GPR158: variants seen among roughly 807,000 people sequenced by gnomAD.
GPR158 encodes metabotropic glycine receptor.
In GPR158, 30 loss-of-function variants were observed where a neutral mutation model predicts 78.2. That is an observed-to-expected ratio of 0.38 (90% CI 0.29 to 0.52). The LOEUF (loss-of-function observed/expected upper bound fraction) is 0.52, where lower values mean the gene tolerates loss of function less well. Ranked by LOEUF, GPR158 falls within the 20% of genes least tolerant of loss-of-function variation. GPR158 has a pLI of 0.83. For synonymous variants in GPR158, 581 were observed against 591.1 expected (o/e 0.98, Z 0.25); for missense variants, 1,463 against 1,523.5 (o/e 0.96, Z 0.66).
At chr10:25,220,664 A>T (rs1009429638) in intron 1 of GPR158, among the ~76,000 whole-genome samples, 1 of 152,198 alleles carries the variant, frequency 6.6e-6, no homozygotes, top group Non-Finnish European at 1.5e-5. Flanking sequence ...AGTAGAAAGA[A>T]ATGAACTGAA....
chr10:25,368,439 CTT>C (rs761180591), intron 2 of GPR158, among the ~76,000 whole-genome samples: 9 of 151,814 alleles, frequency 5.9e-5, no homozygotes, highest in Non-Finnish European at 1.5e-5. Context: ...TGAATAAACA[CTT>C]TTCAAAAGAA....
intron 2 of GPR158, among the ~76,000 whole-genome samples, chr10:25,391,666 G>A (rs1040101943): frequency 6.6e-6 from 1 of 152,186 alleles, no homozygotes; most frequent in East Asian, 1.9e-4. Context: ...AGGTTCATAG[G>A]TGGAGGGGGC....
At position 25,176,342 on chromosome 10, in the gene GPR158, A is replaced by AG. The variant is rs529116672; in HGVS notation, c.902+26dup. On this transcript the variant is annotated intron_variant, in intron 1 of 10. Transcript: ENST00000376351. The surrounding 1 kb of genome is among the most constrained non-coding windows in gnomAD (Gnocchi z 6.3). ...ATTCAGGTAGGGAGGGCCGGGGGGC[A>AG]GGGGGGAAGGCAAAAGCGAAGCTTT... 8.5e-6 allele frequency: 13 copies of AG among 1,533,172 alleles called. No individual in the cohort carries two copies. The highest frequency in any genetic ancestry group is 2.8e-5 in the African/African-American group (2 of 72,712). The allele number at this position is 1,533,172 out of a possible 1,614,324, so 95.0% of individuals were successfully genotyped here. A position where few individuals can be genotyped will look rare whatever the true frequency, so the allele number is the denominator to read the frequency against.
intron 2 of GPR158, among the ~76,000 whole-genome samples, chr10:25,359,977 C>T (rs538504870): frequency 8.5e-5 from 13 of 152,276 alleles, no homozygotes; most frequent in Admixed American, 8.5e-4. Flanking sequence ...GATGGTATCT[C>T]ATGGTGGTTT....
chr10:25,391,913 G>C (rs1031557550), intron 2 of GPR158, among the ~76,000 whole-genome samples: 1 of 152,112 alleles, frequency 6.6e-6, no homozygotes, highest in Non-Finnish European at 1.5e-5. Context: ...GGAAGTAATT[G>C]AATCATGGGG....
At chr10:25,580,562 TG>T (rs1837175179) in intron 7 of GPR158, among the ~76,000 whole-genome samples, 1 of 146,436 alleles carries the variant, frequency 6.8e-6, no homozygotes, top group African/African-American at 2.7e-5. Context: ...AGGTGAAATG[TG>T]ATATAAGTGC....
chr10:25,298,042 G>A (rs1372048789), intron 2 of GPR158, among the ~76,000 whole-genome samples: 4 of 152,134 alleles, frequency 2.6e-5, no homozygotes, highest in Non-Finnish European at 5.9e-5. Flanking sequence ...ATATTGTGGG[G>A]ATTGTGTTTC....
intron 4 of GPR158, chr10:25,466,116 C>T (rs922750087): frequency 6.6e-6 from 1 of 152,448 alleles, no homozygotes; most frequent in Non-Finnish European, 1.5e-5. Flanking sequence ...GGGATATAAG[C>T]ATAAGACACC....
intron 2 of GPR158, among the ~76,000 whole-genome samples, chr10:25,247,676 T>C (rs1254631534): frequency 6.6e-6 from 1 of 150,894 alleles, no homozygotes; most frequent in Non-Finnish European, 1.5e-5. Context: ...TAGTATTCCA[T>C]GGTGTATATG....
chr10:25,501,225 G>A (rs912750379), intron 5 of GPR158, among the ~76,000 whole-genome samples: 6 of 152,116 alleles, frequency 3.9e-5, no homozygotes, highest in African/African-American at 9.7e-5. Flanking sequence ...ACCAGACAGC[G>A]TGGGGACCCC....
Position 25,598,910 on chromosome 10 carries a change from T to G in GPR158, c.3284T>G (p.Leu1095Arg). The change falls in exon 11 of 11, where the codon CTC becomes CGC. Residue 1095 changes from leucine (L) to arginine (R), a missense_variant. Physicochemically the swap from Leu to Arg is moderately radical, Grantham distance 102. Coordinates refer to ENST00000376351, the MANE Select transcript of GPR158 (RefSeq NM_020752.3). ...CTTTTGATTTCCAAGACTCCAGTTCTCCCAGAGAGGGCAAAAGAGGAGAAC... is the reference window on the plus strand; with the variant it reads ...CTTTTGATTTCCAAGACTCCAGTTCGCCCAGAGAGGGCAAAAGAGGAGAAC... Reference protein sequence around the residue: ...EKLLISKTPVLPERAKEENGG... With the variant: ...EKLLISKTPVRPERAKEENGG... The G allele has an allele frequency of 6.2e-7, 1 of 1,613,932 alleles. No individual in the cohort carries two copies. Among genetic ancestry groups the G allele is most frequent in the African/African-American group, 1.3e-5 (1 of 74,966 alleles).
chr10:25,365,999 T>C (rs879860091), intron 2 of GPR158, among the ~76,000 whole-genome samples: 6 of 151,772 alleles, frequency 4.0e-5, no homozygotes, highest in African/African-American at 1.2e-4. Context: ...ATATGACTTA[T>C]TTTGTTCAAC....
chr10:25,493,616 C>T (rs1835840423), intron 5 of GPR158, among the ~76,000 whole-genome samples: 1 of 152,144 alleles, frequency 6.6e-6, no homozygotes, highest in African/African-American at 2.4e-5. Flanking sequence ...TAAAATATGT[C>T]TAAATTATGT....
chr10:25,444,313 ATG>A (rs1455710671), intron 4 of GPR158, among the ~76,000 whole-genome samples: 1 of 150,366 alleles, frequency 6.7e-6, no homozygotes, highest in Non-Finnish European at 1.5e-5. Flanking sequence ...GCATGACTGT[ATG>A]TGTGGGTGTG....
intron 2 of GPR158, among the ~76,000 whole-genome samples, chr10:25,333,334 G>T (rs1175215541): frequency 6.6e-6 from 1 of 152,122 alleles, no homozygotes; most frequent in East Asian, 1.9e-4. Flanking sequence ...ACGATAGTTT[G>T]AATGCCCACA....
At chr10:25,268,320 C>T (rs952634508) in intron 2 of GPR158, among the ~76,000 whole-genome samples, 1 of 152,092 alleles carries the variant, frequency 6.6e-6, no homozygotes, top group Non-Finnish European at 1.5e-5. Context: ...TAGGATCTAT[C>T]TGTGAGCGTG....
intron 7 of GPR158, among the ~76,000 whole-genome samples, chr10:25,586,391 ATTTTTTTTTTT>A (rs71399977): frequency 1.4e-5 from 1 of 70,868 alleles, no homozygotes; most frequent in Non-Finnish European, 3.0e-5. Context: ...GTATGTGTGA[ATTTTTTTTTTT>A]TTTTTTTTTT....
rs531605151 is a variant in GPR158, at chr10:25,597,062, T to TA, written c.2145+274dup. 1.2e-3 allele frequency among the ~76,000 whole-genome samples: 181 copies of TA among 152,356 alleles called. 2 individuals carry two copies. Among genetic ancestry groups the TA allele is most frequent in the African/African-American group, 4.1e-3 (171 of 41,584 alleles). On this transcript the variant is annotated intron_variant, in intron 10 of 10. Transcript: ENST00000376351. ...TCAACCTCAGTAGTCTTAACTGACT[T>TA]ACTGGTATTCATAGTGTTGAACTGA...
chr10:25,358,784 T>G (rs1003903739), intron 2 of GPR158, among the ~76,000 whole-genome samples: 68 of 152,118 alleles, frequency 4.5e-4, no homozygotes, highest in African/African-American at 1.6e-3. Flanking sequence ...TTTCTGGAAT[T>G]AGAAATTTAT....
Sources: allele counts gnomAD v4.1 joint callset (sites outside exome capture counted in the v4.1 genomes callset), GRCh38; gene constraint gnomAD v4.1.1; non-coding constraint Gnocchi (gnomAD v3.1); transcripts MANE v1.5; gene names NCBI Gene and HGNC (gene_info 2026-07-23, HGNC 2026-07-21).